The following SLC4A3 variants were observed in gnomAD, a reference collection of about 807,000 sequenced individuals.
SLC4A3 encodes the protein solute carrier family 4 member 3.
SLC4A3 carries 47 observed loss-of-function variants against 114.2 expected under a neutral mutation model. That is an observed-to-expected ratio of 0.41 (90% confidence interval 0.33 to 0.52). The LOEUF (loss-of-function observed/expected upper bound fraction) is 0.52, where lower values mean the gene tolerates loss of function less well. SLC4A3 is among the 20% of genes least tolerant of loss of function. The pLI, the probability that SLC4A3 is intolerant of heterozygous loss-of-function variation, is 0.21. For synonymous variants in SLC4A3, 693 were observed against 710.3 expected, an observed-to-expected ratio of 0.98 and a Z score of 0.39; for missense variants, 1,312 against 1,668.3, an observed-to-expected ratio of 0.79 and a Z score of 3.72.
chr2:219,634,672 A>G, intron 12 of SLC4A3, 68 bp downstream of exon 12: 1 of 1,525,464 alleles, frequency 6.6e-7, no homozygotes, highest in Non-Finnish European at 8.9e-7. Flanking sequence ...CTCATTGTCC[A>G]CAGTGGTGCC....
rs1212216269 is a variant in SLC4A3, at chr2:219,628,185, G to A, written c.51+142G>A. On this transcript the variant is annotated intron_variant, in intron 2 of 22. Transcript: ENST00000358055. This position sits in a 1 kb window ranked among gnomAD's most constrained non-coding sequence, Gnocchi z 4.8. ...GGCTGGGGGTTACGGAGAAAGAGGG[G>A]GGTTTTTGATATTTTCCAGATCCGT... The A allele has an allele frequency of 4.9e-6, 4 of 819,006 alleles. No individual in the cohort carries two copies. In the African/African-American group the frequency reaches 7.0e-5, roughly 14 times the overall value. The allele number at this position is 819,006 out of a possible 1,614,324, so 50.7% of individuals were successfully genotyped here.
Position 219,628,112 on chromosome 2 carries a change from G to A in SLC4A3, c.51+69G>A. ...GGGGAGGGACCTTAGGGTGGGCAGA[G>A]GAGTCCTCTGGCCGACCCCGGGACC... On this transcript the variant is annotated intron_variant, in intron 2 of 22. Coordinates refer to ENST00000358055, the MANE Select transcript of SLC4A3 (RefSeq NM_005070.4). The surrounding 1 kb of genome is among the most constrained non-coding windows in gnomAD (Gnocchi z 4.8). 2 of 1,303,330 alleles carry A rather than the reference G, an allele frequency of 1.5e-6. No individual in the cohort carries two copies. The highest frequency in any genetic ancestry group is 2.7e-5 in the East Asian group (1 of 36,722). 80.7% of individuals were successfully genotyped at this position (1,303,330 alleles called of 1,614,324 possible).
At position 219,628,135 on chromosome 2, in the gene SLC4A3, ACC is replaced by A; in HGVS notation, c.51+97_51+98del. On this transcript the variant is annotated intron_variant, in intron 2 of 22. Coordinates refer to ENST00000358055, the MANE Select transcript of SLC4A3 (RefSeq NM_005070.4). This position sits in a 1 kb window ranked among gnomAD's most constrained non-coding sequence, Gnocchi z 4.8. ...GAGGAGTCCTCTGGCCGACCCCGGGACCCCCCAGATCCAGGGATGAGCTGGGC... is the reference window on the plus strand; with the variant it reads ...GAGGAGTCCTCTGGCCGACCCCGGGACCCCAGATCCAGGGATGAGCTGGGC... 9.3e-7 allele frequency: 1 copy of A among 1,074,410 alleles called. No homozygotes were observed. The highest frequency in any genetic ancestry group is 1.3e-6 in the Non-Finnish European group (1 of 770,962). 66.6% of individuals were successfully genotyped at this position (1,074,410 alleles called of 1,614,324 possible). A position where few individuals can be genotyped will look rare whatever the true frequency, so the allele number is the denominator to read the frequency against.
chr2:219,636,208 C>A lies in SLC4A3; in HGVS notation c.2192-94C>A. Reference sequence around the variant, plus strand: ...TGTGTCACTCTAAGGGGCTGCTCTGCTTTTGTTGGGGGCCCCAGTTTAGGA... The same window carrying A: ...TGTGTCACTCTAAGGGGCTGCTCTGATTTTGTTGGGGGCCCCAGTTTAGGA... On this transcript the variant is annotated intron_variant, in intron 14 of 22. Coordinates refer to ENST00000358055, the MANE Select transcript of SLC4A3 (RefSeq NM_005070.4). This position sits in a 1 kb window ranked among gnomAD's most constrained non-coding sequence, Gnocchi z 5.5. 1 of 1,477,766 alleles carries A rather than the reference C, an allele frequency of 6.8e-7. No homozygotes were observed. The allele number at this position is 1,477,766 out of a possible 1,614,324, so 91.5% of individuals were successfully genotyped here.
chr2:219,631,445 G>T lies in SLC4A3; in HGVS notation c.812-523G>T. 1 of 1,303,794 alleles carries T rather than the reference G, an allele frequency of 7.7e-7. No homozygotes were observed. Among genetic ancestry groups the T allele is most frequent in the Non-Finnish European group, 1.0e-6 (1 of 988,564 alleles). 80.8% of individuals were successfully genotyped at this position (1,303,794 alleles called of 1,614,324 possible). Reference sequence around the variant, plus strand: ...GGGGCCAGCTGGGCCCCATGGCAGGGCCACCAACTTGTGAGTAACGGGGCT... The same window carrying T: ...GGGGCCAGCTGGGCCCCATGGCAGGTCCACCAACTTGTGAGTAACGGGGCT... On this transcript the variant is annotated intron_variant, in intron 6 of 22. Transcript: ENST00000358055. This position sits in a 1 kb window ranked among gnomAD's most constrained non-coding sequence, Gnocchi z 6.3.
chr2:219,631,911 G>A lies in SLC4A3; in HGVS notation c.812-57G>A, dbSNP rs1465712180. ...TGGGTTGGGCAGAAGGAGCTGGGCCGTGACCCCGAGGGCCCCAGCTGGACC... is the reference window on the plus strand; with the variant it reads ...TGGGTTGGGCAGAAGGAGCTGGGCCATGACCCCGAGGGCCCCAGCTGGACC... On this transcript the variant is annotated intron_variant, in intron 6 of 22. Coordinates refer to ENST00000358055, the MANE Select transcript of SLC4A3 (RefSeq NM_005070.4). This position sits in a 1 kb window ranked among gnomAD's most constrained non-coding sequence, Gnocchi z 6.3. The A allele has an allele frequency of 6.6e-6, 10 of 1,525,894 alleles. No homozygotes were observed. The highest frequency in any genetic ancestry group is 2.8e-5 in the African/African-American group (2 of 71,774). 94.5% of individuals were successfully genotyped at this position (1,525,894 alleles called of 1,614,324 possible). A position where few individuals can be genotyped will look rare whatever the true frequency, so the allele number is the denominator to read the frequency against.
Position 219,639,857 on chromosome 2 carries a change from C to T in SLC4A3, c.3277+122C>T, listed in dbSNP as rs1354361970. 8 of 1,306,632 alleles carry T rather than the reference C, an allele frequency of 6.1e-6. No individual in the cohort carries two copies. In the Admixed American group the frequency reaches 1.4e-4, roughly 23 times the overall value. The allele number at this position is 1,306,632 out of a possible 1,614,324, so 80.9% of individuals were successfully genotyped here. On this transcript the variant is annotated intron_variant, in intron 20 of 22. Coordinates refer to ENST00000358055, the MANE Select transcript of SLC4A3 (RefSeq NM_005070.4). This position sits in a 1 kb window ranked among gnomAD's most constrained non-coding sequence, Gnocchi z 5.9. ...TGTGTGTTGCCCTCAATCTGACCCC[C>T]AAACCTGCTTCCCAGCACTCCCCTA...
In SLC4A3 at chr2:219,641,969, G is replaced by C. The variant is rs146087932; in HGVS notation, c.*241G>C. On this transcript the variant is annotated 3_prime_UTR_variant, in exon 23 of 23. Transcript: ENST00000358055. This position sits in a 1 kb window ranked among gnomAD's most constrained non-coding sequence, Gnocchi z 4.0. Reference sequence around the variant, plus strand: ...TCATTATAACCACACTCCTTGTCTCGTGTCTGCCTCACTTTCTTGGTTTCA... The same window carrying C: ...TCATTATAACCACACTCCTTGTCTCCTGTCTGCCTCACTTTCTTGGTTTCA... The C allele has an allele frequency of 2.3e-6, 1 of 435,644 alleles. No individual in the cohort carries two copies. The highest frequency in any genetic ancestry group is 4.1e-6 in the Non-Finnish European group (1 of 245,684). 27.0% of individuals were successfully genotyped at this position (435,644 alleles called of 1,614,324 possible). A position where few individuals can be genotyped will look rare whatever the true frequency, so the allele number is the denominator to read the frequency against.
chr2:219,633,082 G>A, intron 9 of SLC4A3, 73 bp downstream of exon 9: 1 of 1,566,060 alleles, frequency 6.4e-7, no homozygotes, highest in Middle Eastern at 1.7e-4. Context: ...TCTTCCAAGT[G>A]GCTCCCAGCC....
At chr2:219,633,035 G>T in intron 9 of SLC4A3, 26 bp downstream of exon 9, 1 of 1,611,918 alleles carries the variant, frequency 6.2e-7, no homozygotes, top group East Asian at 2.2e-5. Context: ...CCTGGGAGGG[G>T]CCTGTCCAGC....
Position 219,635,852 on chromosome 2 carries a change from G to A in SLC4A3, c.2152G>A (p.Ala718Thr), listed in dbSNP as rs1308397848. 17 of 1,560,640 alleles carry A rather than the reference G, an allele frequency of 1.1e-5. No individual in the cohort carries two copies. Among genetic ancestry groups the A allele is most frequent in the Non-Finnish European group, 1.4e-5 (16 of 1,155,670 alleles). ...GGCCGCTGTGCTCTTCATCTACTTCGCAGCCCTCAGCCCTGCCATCACCTT... is the reference window on the plus strand; with the variant it reads ...GGCCGCTGTGCTCTTCATCTACTTCACAGCCCTCAGCCCTGCCATCACCTT... ...CVAAVLFIYF[A>T]ALSPAITFGG... The change falls in exon 14 of 23, where the codon GCA becomes ACA. Residue 718 changes from alanine to threonine, a missense_variant. By Grantham distance (58) the Ala-to-Thr change is moderately conservative. Transcript: ENST00000358055.
intron 12 of SLC4A3, 143 bp downstream of exon 12, chr2:219,634,747 C>A: frequency 1.1e-6 from 1 of 878,954 alleles, no homozygotes; most frequent in Non-Finnish European, 1.7e-6. Flanking sequence ...GTGGGGGGAG[C>A]TGTTGGCCCA....
rs1053775776 is a variant in SLC4A3 at position 219,641,068 on chromosome 2, C to T, written c.3621+106C>T. 1.7e-5 allele frequency: 19 copies of T among 1,108,972 alleles called. No individual in the cohort carries two copies. The highest frequency in any genetic ancestry group is 2.3e-5 in the Non-Finnish European group (18 of 774,658). 68.7% of individuals were successfully genotyped at this position (1,108,972 alleles called of 1,614,324 possible). On this transcript the variant is annotated intron_variant, in intron 22 of 22. Transcript: ENST00000358055. This position sits in a 1 kb window ranked among gnomAD's most constrained non-coding sequence, Gnocchi z 4.0. ...TGTGTTAGTTGTGAAACTTGTGTAACTTGTGTTGCAAGTTATCTCACCTTC... is the reference window on the plus strand; with the variant it reads ...TGTGTTAGTTGTGAAACTTGTGTAATTTGTGTTGCAAGTTATCTCACCTTC...
rs1205514399 is a variant in SLC4A3 at position 219,641,582 on chromosome 2, G to A, written c.3622-69G>A. On this transcript the variant is annotated intron_variant, in intron 22 of 22. Transcript: ENST00000358055. This position sits in a 1 kb window ranked among gnomAD's most constrained non-coding sequence, Gnocchi z 4.0. ...GAGCAGGGAGGGCTGCAGGTTGGAG[G>A]AGGAGCTGGAGAATGGGAGGGGACG... is the stretch of plus-strand genomic sequence containing the variant. The A allele has an allele frequency of 8.0e-7, 1 of 1,251,558 alleles. No individual in the cohort carries two copies. The allele number at this position is 1,251,558 out of a possible 1,614,324, so 77.5% of individuals were successfully genotyped here. A position where few individuals can be genotyped will look rare whatever the true frequency, so the allele number is the denominator to read the frequency against.
At position 219,630,824 on chromosome 2, in the gene SLC4A3, A is replaced by G. The variant is rs1363380789; in HGVS notation, c.811+472A>G. Among the ~76,000 whole-genome samples the G allele has an allele frequency of 6.6e-6, 1 of 151,998 alleles. No individual in the cohort carries two copies. The highest frequency in any genetic ancestry group is 2.4e-5 in the African/African-American group (1 of 41,382). ...CTCGGCACATTCCTTCCATCTTATC[A>G]GTGCCCTGGTTTCTGTGCCACCTGT... is the stretch of plus-strand genomic sequence containing the variant. On this transcript the variant is annotated intron_variant, in intron 6 of 22. Coordinates refer to ENST00000358055, the MANE Select transcript of SLC4A3 (RefSeq NM_005070.4). The surrounding 1 kb of genome is among the most constrained non-coding windows in gnomAD (Gnocchi z 6.9).
Position 219,631,554 on chromosome 2 carries a change from T to C in SLC4A3, c.812-414T>C. 1 of 1,133,804 alleles carries C rather than the reference T, an allele frequency of 8.8e-7. No individual in the cohort carries two copies. The highest frequency in any genetic ancestry group is 1.2e-6 in the Non-Finnish European group (1 of 864,304). The allele number at this position is 1,133,804 out of a possible 1,614,324, so 70.2% of individuals were successfully genotyped here. Reference sequence around the variant, plus strand: ...AGCCCTGCCTGAGTCTACTGGGCTGTGTACCTTCGGGGAGGGGACGTGGGT... The same window carrying C: ...AGCCCTGCCTGAGTCTACTGGGCTGCGTACCTTCGGGGAGGGGACGTGGGT... On this transcript the variant is annotated intron_variant, in intron 6 of 22. Coordinates refer to ENST00000358055, the MANE Select transcript of SLC4A3 (RefSeq NM_005070.4). The surrounding 1 kb of genome is among the most constrained non-coding windows in gnomAD (Gnocchi z 6.3).
At chr2:219,634,842 T>G (rs1699061746) in intron 12 of SLC4A3, among the ~76,000 whole-genome samples, 1 of 152,108 alleles carries the variant, frequency 6.6e-6, no homozygotes, top group Non-Finnish European at 1.5e-5. Context: ...GCTTTGGATG[T>G]GATGTGAGAC....
In SLC4A3 at chr2:219,629,129, C is replaced by A; in HGVS notation, c.218-15C>A. 1 of 1,560,784 alleles carries A rather than the reference C, an allele frequency of 6.4e-7. No individual in the cohort carries two copies. Among genetic ancestry groups the A allele is most frequent in the South Asian group, 1.2e-5 (1 of 83,722 alleles). On this transcript the variant is annotated splice_polypyrimidine_tract_variant and intron_variant, in intron 3 of 22. Coordinates refer to ENST00000358055, the MANE Select transcript of SLC4A3 (RefSeq NM_005070.4). ...TCTGCTGTGGGGGCCTCAACCGGAT[C>A]TCCTGCACCCCCAGTTCACCGGCAC...
rs981567729 is a variant in SLC4A3 at position 219,631,295 on chromosome 2, T to C, written c.812-673T>C. ...CCAATGGGGCACTGAGCCCTGGGCC[T>C]GGGGATACCAATAGCTGGGGCTTTG... is the stretch of plus-strand genomic sequence containing the variant. On this transcript the variant is annotated intron_variant, in intron 6 of 22. Coordinates refer to ENST00000358055, the MANE Select transcript of SLC4A3 (RefSeq NM_005070.4). The surrounding 1 kb of genome is among the most constrained non-coding windows in gnomAD (Gnocchi z 6.3). 56 of 1,303,400 alleles carry C rather than the reference T, an allele frequency of 4.3e-5. 1 individual carries two copies. Among genetic ancestry groups the C allele is most frequent in the Non-Finnish European group, 5.6e-5 (55 of 988,462 alleles). 80.7% of individuals were successfully genotyped at this position (1,303,400 alleles called of 1,614,324 possible). A position where few individuals can be genotyped will look rare whatever the true frequency, so the allele number is the denominator to read the frequency against.
Sources: allele counts gnomAD v4.1 joint callset (sites outside exome capture counted in the v4.1 genomes callset), GRCh38; gene constraint gnomAD v4.1.1; non-coding constraint Gnocchi (gnomAD v3.1); transcripts MANE v1.5; gene names NCBI Gene and HGNC (gene_info 2026-07-23, HGNC 2026-07-21).